IL1RAPL1: variants seen among roughly 807,000 people sequenced by gnomAD.
IL1RAPL1 encodes interleukin-1 receptor accessory protein-like 1.
In IL1RAPL1, 3 loss-of-function variants were observed where a neutral mutation model predicts 48.4. The observed-to-expected ratio is 0.06, with a 90% CI of 0.03 to 0.16. The LOEUF (loss-of-function observed/expected upper bound fraction) is 0.16, where lower values mean the gene tolerates loss of function less well. IL1RAPL1 is among the 10% of genes least tolerant of loss of function. The pLI is 1.00. For missense variants in IL1RAPL1, 349 were observed against 530.6 expected (o/e 0.66, Z 3.36); for synonymous variants, 185 against 187.7 (o/e 0.99, Z 0.12).
chrX:29,198,314 T>C (rs1930485716), intron 2 of IL1RAPL1, among the ~76,000 whole-genome samples: 1 of 110,269 alleles, frequency 9.1e-6, no homozygotes, highest in Non-Finnish European at 1.9e-5. Flanking sequence ...TTTCTTTTTT[T>C]GAGATGGAGT....
At chrX:29,801,038 T>A (rs889816669) in intron 6 of IL1RAPL1, among the ~76,000 whole-genome samples, 2 of 1,251 alleles carry the variant, frequency 1.6e-3, no homozygotes, top group Non-Finnish European at 4.2e-3. Context: ...AAAAAAACTC[T>A]CCGTCTCAAA....
At chrX:29,189,598 A>G (rs1317444584) in intron 2 of IL1RAPL1, among the ~76,000 whole-genome samples, 2 of 111,580 alleles carry the variant, frequency 1.8e-5, no homozygotes, top group Non-Finnish European at 3.8e-5. Context: ...AATTAGAATT[A>G]TTTCATTACT....
chrX:29,149,424 A>T (rs1310699952), intron 2 of IL1RAPL1, among the ~76,000 whole-genome samples: 1 of 111,485 alleles, frequency 9.0e-6, no homozygotes, highest in Non-Finnish European at 1.9e-5. Context: ...AGAAATACAG[A>T]GTATGAAAAT....
intron 2 of IL1RAPL1, among the ~76,000 whole-genome samples, chrX:28,833,429 A>T (rs75877746): frequency 0.12 from 13,529 of 111,329 alleles, 1,430 homozygotes; most frequent in African/African-American, 0.33. Context: ...GAGCTAATTT[A>T]CATTCCCACC....
rs1235104476 is a variant in IL1RAPL1, at chrX:28,955,894, C to G, written c.82+166469C>G. ...ATTTTCACGATATTGATTCTTCCTA[C>G]CCATGAGCATGGAATGTTCTTCCAT... On this transcript the variant is annotated intron_variant, in intron 2 of 10. Coordinates refer to ENST00000378993, the MANE Select transcript of IL1RAPL1 (RefSeq NM_014271.4). 4.2e-4 allele frequency among the ~76,000 whole-genome samples: 30 copies of G among 71,679 alleles called. 3 individuals are homozygous for G. The East Asian group carries it at 0.013, about 31-fold the overall frequency. The allele number at this position is 71,679 out of a possible 115,157, so 62.2% of individuals were successfully genotyped here.
intron 3 of IL1RAPL1, among the ~76,000 whole-genome samples, chrX:29,360,964 G>A (rs1035795314): frequency 9.0e-6 from 1 of 111,415 alleles, no homozygotes; most frequent in Admixed American, 9.6e-5. Flanking sequence ...GCTTTTAAGG[G>A]TGCTATTAAA....
intron 6 of IL1RAPL1, among the ~76,000 whole-genome samples, chrX:29,738,464 T>G (rs1305794919): frequency 5.7e-5 from 6 of 105,314 alleles, no homozygotes; most frequent in Non-Finnish European, 1.2e-4. Context: ...TTTTTTTTTT[T>G]TTTTGATTCA....
chrX:29,231,099 G>A (rs767326756), intron 2 of IL1RAPL1, among the ~76,000 whole-genome samples: 15 of 112,104 alleles, frequency 1.3e-4, no homozygotes, highest in Non-Finnish European at 2.4e-4. Context: ...CTTCTCTTTG[G>A]CTTCATGTTT....
chrX:29,742,742 A>G (rs980413862), intron 6 of IL1RAPL1, among the ~76,000 whole-genome samples: 3 of 112,195 alleles, frequency 2.7e-5, no homozygotes, highest in African/African-American at 9.7e-5. Context: ...AACCAACACT[A>G]TTAGCTCTTT....
intron 3 of IL1RAPL1, among the ~76,000 whole-genome samples, chrX:29,307,214 G>A (rs1932639107): frequency 8.9e-6 from 1 of 112,098 alleles, no homozygotes; most frequent in Non-Finnish European, 1.9e-5. Context: ...CTGAATTAAT[G>A]ATGCCGCATA....
chrX:28,768,317 G>A (rs373007024), intron 1 of IL1RAPL1, among the ~76,000 whole-genome samples: 110 of 110,613 alleles, frequency 9.9e-4, no homozygotes, highest in Admixed American at 2.0e-3. Context: ...TGCTTGGATA[G>A]TAGTTATTTT....
At chrX:28,611,359 G>A (rs1209994322) in intron 1 of IL1RAPL1, among the ~76,000 whole-genome samples, 3 of 111,397 alleles carry the variant, frequency 2.7e-5, no homozygotes, top group East Asian at 5.7e-4. Flanking sequence ...TGTTTGTTAG[G>A]TGCTGGAGGT....
At chrX:28,728,115 G>T (rs1157687146) in intron 1 of IL1RAPL1, among the ~76,000 whole-genome samples, 2 of 111,337 alleles carry the variant, frequency 1.8e-5, no homozygotes, top group East Asian at 5.6e-4. Context: ...TTTCATTAGA[G>T]TGTATATGAG....
intron 3 of IL1RAPL1, among the ~76,000 whole-genome samples, chrX:29,367,738 G>A (rs756739628): frequency 1.4e-3 from 147 of 108,185 alleles, no homozygotes; most frequent in African/African-American, 4.3e-3. Context: ...ACGCCACCAC[G>A]CCAGGCAAAT....
At chrX:29,427,603 C>T (rs181950264) in intron 5 of IL1RAPL1, among the ~76,000 whole-genome samples, 270 of 111,545 alleles carry the variant, frequency 2.4e-3, no homozygotes, top group Admixed American at 6.4e-3. Context: ...GAGGTCATCA[C>T]AGGACCAGTC....
intron 2 of IL1RAPL1, among the ~76,000 whole-genome samples, chrX:29,142,904 T>G (rs1929273443): frequency 9.0e-6 from 1 of 110,580 alleles, no homozygotes; most frequent in African/African-American, 3.3e-5. Context: ...TTTCACCATG[T>G]TGGCCAGGCT....
intron 5 of IL1RAPL1, among the ~76,000 whole-genome samples, chrX:29,411,298 T>A (rs1934139814): frequency 8.9e-6 from 1 of 112,209 alleles, no homozygotes; most frequent in Non-Finnish European, 1.9e-5. Flanking sequence ...AAATGATGGG[T>A]CACATTTTTA....
chrX:29,854,158 C>G (rs1931433531), intron 6 of IL1RAPL1, among the ~76,000 whole-genome samples: 1 of 112,271 alleles, frequency 8.9e-6, no homozygotes, highest in Non-Finnish European at 1.9e-5. Context: ...CTTCTACTTA[C>G]TTCCAGGAGA....
chrX:29,668,349 G>T, intron 5 of IL1RAPL1, 81 bp from the exon 6 acceptor site: 1 of 891,014 alleles, frequency 1.1e-6, no homozygotes. Context: ...AAAATATTTG[G>T]GAAAATAGAC....
Sources: allele counts gnomAD v4.1 joint callset (sites outside exome capture counted in the v4.1 genomes callset), GRCh38; gene constraint gnomAD v4.1.1; transcripts MANE v1.5; gene names NCBI Gene and HGNC (gene_info 2026-07-23, HGNC 2026-07-21).